The following EPS8L2 variants were observed in gnomAD, a reference collection of about 807,000 sequenced individuals.
EPS8L2 encodes EPS8 signaling adaptor L2, also known as epidermal growth factor receptor kinase substrate 8-like protein 2.
A neutral mutation model predicts 99.4 loss-of-function variants in EPS8L2; 81 were observed. The ratio of observed to expected loss-of-function variants is 0.82; its 90% CI spans 0.68 to 0.98. The LOEUF is 0.98. Ranked by LOEUF, EPS8L2 falls within the 50% of genes least tolerant of loss-of-function variation. The probability of loss-of-function intolerance (pLI) is 0.00; values close to 1 mark genes in which losing one functional copy is unlikely to be tolerated. For missense variants in EPS8L2, 1,155 were observed against 968.8 expected, an observed-to-expected ratio of 1.19 and a Z score of -2.55; for synonymous variants, 509 against 407.3, an observed-to-expected ratio of 1.25 and a Z score of -3.01.
At chr11:720,955 GA>G (rs1862143881) in intron 7 of EPS8L2, 46 bp downstream of exon 7, 20 of 1,458,506 alleles carry the variant, frequency 1.4e-5, no homozygotes, top group Non-Finnish European at 1.5e-5. Flanking sequence ...GGGAGGGGAG[GA>G]GCCCGGCAGG....
At chr11:720,567 G>A in intron 5 of EPS8L2, 30 bp from the exon 6 acceptor site, 1 of 1,584,350 alleles carries the variant, frequency 6.3e-7, no homozygotes. Context: ...GACCCCGGGT[G>A]CGAGTCGTGT....
At chr11:714,396 A>AT (rs1407166024) in intron 4 of EPS8L2, among the ~76,000 whole-genome samples, 10 of 151,270 alleles carry the variant, frequency 6.6e-5, no homozygotes, top group Non-Finnish European at 1.0e-4. Context: ...TGCCCGGCTC[A>AT]TTTTTTGTAT....
rs1861820764 is a variant in EPS8L2, at chr11:709,313, C to T, written c.-78-17C>T. 1.4e-6 allele frequency: 2 copies of T among 1,407,552 alleles called. No homozygotes were observed. The highest frequency in any genetic ancestry group is 1.4e-5 in the African/African-American group (1 of 69,656). 87.2% of individuals were successfully genotyped at this position (1,407,552 alleles called of 1,614,324 possible). On this transcript the variant is annotated splice_polypyrimidine_tract_variant and intron_variant, in intron 1 of 20. Coordinates refer to ENST00000318562, the MANE Select transcript of EPS8L2 (RefSeq NM_022772.4). ...CAGGCCGGAGGAAGTGTCAGCGCAGCCCTTCTGTCCACCCAGGTGTGGGAC... is the reference window on the plus strand; with the variant it reads ...CAGGCCGGAGGAAGTGTCAGCGCAGTCCTTCTGTCCACCCAGGTGTGGGAC...
intron 3 of EPS8L2, 151 bp downstream of exon 3, chr11:709,759 C>G: frequency 1.2e-6 from 1 of 803,950 alleles, no homozygotes; most frequent in East Asian, 2.7e-5. Context: ...CCTAATCAAC[C>G]TTCCGAAAGC....
Position 709,457 on chromosome 11 carries a change from CCCT to C in EPS8L2, c.44+9_44+11del. On this transcript the variant is annotated splice_region_variant and intron_variant, in intron 2 of 20. Transcript: ENST00000318562. ...TGCTGCCCGGGTGCCACCAAGTGAG[CCCT>C]CCCACCCATCCCGAATACCCCACCC... 9.8e-6 allele frequency: 11 copies of C among 1,127,602 alleles called. No individual in the cohort carries two copies. The highest frequency in any genetic ancestry group is 1.4e-5 in the Non-Finnish European group (11 of 765,728). The allele number at this position is 1,127,602 out of a possible 1,614,324, so 69.8% of individuals were successfully genotyped here.
intron 4 of EPS8L2, among the ~76,000 whole-genome samples, chr11:711,754 T>C (rs375807628): frequency 0.017 from 1,858 of 110,452 alleles, no homozygotes; most frequent in Non-Finnish European, 0.021. Flanking sequence ...GAGGCTGAGG[T>C]GAGTGGATCA....
chr11:722,641 G>T, intron 13 of EPS8L2, 32 bp from the exon 14 acceptor site: 1 of 1,608,132 alleles, frequency 6.2e-7, no homozygotes, highest in East Asian at 2.2e-5. Context: ...GTTCTGGAGA[G>T]GCAGGGCTGA....
At position 726,481 on chromosome 11, in the gene EPS8L2, C is replaced by G; in HGVS notation, c.1931C>G (p.Pro644Arg). ...TGGCTGGAAGCCAAGGCCTTCAGCC[C>G]GCGGTGAGCGGGGGCGGGGGATGAG... ...RAWLEAKAFS[P>R]RIVENLGILT... is the part of the protein sequence containing the mutation. The change falls in exon 19 of 21, where the codon CCG (proline) becomes CGG (arginine). Residue 644 changes from proline (P) to arginine (R), a missense_variant. Coordinates refer to ENST00000318562, the MANE Select transcript of EPS8L2 (RefSeq NM_022772.4). 6.4e-7 allele frequency: 1 copy of G among 1,551,230 alleles called. No homozygotes were observed. Among genetic ancestry groups the G allele is most frequent in the Non-Finnish European group, 8.7e-7 (1 of 1,149,088 alleles).
At position 722,345 on chromosome 11, in the gene EPS8L2, G is replaced by A. The variant is rs932565566; in HGVS notation, c.1060-56G>A. On this transcript the variant is annotated intron_variant, in intron 12 of 20. Coordinates refer to ENST00000318562, the MANE Select transcript of EPS8L2 (RefSeq NM_022772.4). The stretch of plus-strand genomic sequence containing the variant: ...GAGGGCCAGCCTGTGGAGCTACGGG[G>A]GTGCTGGGCCAGGGTCTGTGGGCCT... The A allele has an allele frequency of 2.4e-5, 38 of 1,592,892 alleles. No individual in the cohort carries two copies. In the African/African-American group the frequency reaches 4.1e-4, roughly 17 times the overall value.
At position 726,830 on chromosome 11, in the gene EPS8L2, G is replaced by A; in HGVS notation, c.2068-71G>A. The A allele has an allele frequency of 3.2e-6, 5 of 1,585,722 alleles. No homozygotes were observed. The South Asian group carries it at 5.7e-5, about 18-fold the overall frequency. On this transcript the variant is annotated intron_variant, in intron 20 of 20. Transcript: ENST00000318562. ...TCCCCCGCCCGTTCCTGGGGTCGCA[G>A]AGCAAGGGGGAGGCCGGCACCCAGA...
chr11:709,986 C>A (rs1005522006), intron 3 of EPS8L2: 4 of 402,278 alleles, frequency 9.9e-6, no homozygotes, highest in Non-Finnish European at 1.8e-5. Context: ...ACCCTGCCCT[C>A]TCGCTAGCTA....
In EPS8L2 at chr11:722,558, G is replaced by C. The variant is rs1482598292; in HGVS notation, c.1208+9G>C. 4.3e-6 allele frequency: 7 copies of C among 1,612,590 alleles called. No homozygotes were observed. Among genetic ancestry groups the C allele is most frequent in the Non-Finnish European group, 5.9e-6 (7 of 1,179,774 alleles). ...AGCTGGATGCGGCCCCGGTAGGGCA[G>C]GGCAGAGCAGTGCCGGGGCTTCATG... On this transcript the variant is annotated intron_variant, in intron 13 of 20. Coordinates refer to ENST00000318562, the MANE Select transcript of EPS8L2 (RefSeq NM_022772.4).
At chr11:726,867 C>G (rs767291403) in intron 20 of EPS8L2, 34 bp from the exon 21 acceptor site, 47 of 1,603,870 alleles carry the variant, frequency 2.9e-5, no homozygotes, top group Middle Eastern at 1.7e-4. Context: ...ACGTGGGACC[C>G]CCGGCTGAGG....
chr11:719,155 C>G (rs1251022147), intron 4 of EPS8L2, among the ~76,000 whole-genome samples: 2 of 151,486 alleles, frequency 1.3e-5, no homozygotes, highest in Non-Finnish European at 2.9e-5. Context: ...TTAGTAGAGA[C>G]AGGGTTTCAC....
rs911337895 is a variant in EPS8L2, at chr11:709,684, C to T, written c.100+76C>T. On this transcript the variant is annotated intron_variant, in intron 3 of 20. Coordinates refer to ENST00000318562, the MANE Select transcript of EPS8L2 (RefSeq NM_022772.4). ...TGCATCCAGGTGGGGGACAGCTGCT[C>T]CTGCCCCACAGCTGTGCCTGGTCTG... 70 of 1,498,182 alleles carry T rather than the reference C, an allele frequency of 4.7e-5. No homozygotes were observed. In the Admixed American group the frequency reaches 1.2e-3, roughly 27 times the overall value. 92.8% of individuals were successfully genotyped at this position (1,498,182 alleles called of 1,614,324 possible).
chr11:711,438 T>C (rs975356296), intron 4 of EPS8L2, among the ~76,000 whole-genome samples: 10 of 152,058 alleles, frequency 6.6e-5, no homozygotes, highest in Non-Finnish European at 1.0e-4. Context: ...CTCCGCCTCC[T>C]GGACTCAAGT....
chr11:721,856 C>G, intron 10 of EPS8L2, 47 bp from the exon 11 acceptor site: 1 of 1,551,442 alleles, frequency 6.4e-7, no homozygotes, highest in Non-Finnish European at 8.7e-7. Flanking sequence ...GCGCAGGGGC[C>G]GGGGAGATCA....
chr11:713,763 C>T lies in EPS8L2; in HGVS notation c.165+3277C>T, dbSNP rs538595329. Among the ~76,000 whole-genome samples, 12 of 152,386 alleles carry T rather than the reference C, an allele frequency of 7.9e-5. No homozygotes were observed. The East Asian group carries it at 1.9e-3, about 24-fold the overall frequency. ...GTTTCACCATGTTGGCCAGGCTGGT[C>T]TTGAACTCCTGACCTCAATTGATCC... On this transcript the variant is annotated intron_variant, in intron 4 of 20. Transcript: ENST00000318562.
intron 16 of EPS8L2, among the ~76,000 whole-genome samples, chr11:725,214 G>T (rs1476495308): frequency 6.6e-6 from 1 of 152,232 alleles, no homozygotes; most frequent in African/African-American, 2.4e-5. Context: ...GGCTAGGGGG[G>T]AGTGGGCCAC....
Sources: gnomAD v4.1 joint callset for allele counts (sites outside exome capture counted in the v4.1 genomes callset) on GRCh38, gnomAD v4.1.1 for gene constraint, MANE v1.5 for transcripts, NCBI Gene and HGNC (gene_info 2026-07-23, HGNC 2026-07-21) for gene names.